Variants in NUP85 observed in about 807,000 individuals in gnomAD.
The protein encoded by NUP85 is nuclear pore complex protein Nup85.
Under a neutral mutation model 92.8 loss-of-function variants are expected in NUP85, and 23 were observed. That is an observed-to-expected ratio of 0.25 (90% CI 0.18 to 0.35). The LOEUF (loss-of-function observed/expected upper bound fraction) is 0.35, where lower values mean the gene tolerates loss of function less well. Ranked by LOEUF, NUP85 falls within the 10% of genes least tolerant of loss-of-function variation. The pLI, the probability that NUP85 is intolerant of heterozygous loss-of-function variation, is 1.00. For synonymous variants in NUP85, 314 were observed against 306.9 expected (o/e 1.02, Z -0.24); for missense variants, 759 against 822.8 (o/e 0.92, Z 0.95).
intron 3 of NUP85, among the ~76,000 whole-genome samples, chr17:75,211,063 C>G (rs1235275659): frequency 7.4e-6 from 1 of 135,826 alleles, no homozygotes; most frequent in Non-Finnish European, 1.5e-5. Context: ...AGTGCAGTGG[C>G]GCAATCTTGG....
intron 11 of NUP85, chr17:75,228,800 A>C: frequency 1.0e-6 from 1 of 985,400 alleles, no homozygotes; most frequent in Non-Finnish European, 1.2e-6. Context: ...CTCCTATGTC[A>C]ATAATCGTGC....
chr17:75,211,965 T>A, intron 3 of NUP85, 27 bp from the exon 4 acceptor site: 1 of 1,573,594 alleles, frequency 6.4e-7, no homozygotes, highest in Non-Finnish European at 8.7e-7. Context: ...TCCAGGCTCA[T>A]CTTGTGTGTT....
intron 17 of NUP85, 141 bp from the exon 18 acceptor site, chr17:75,234,959 T>G (rs753793247): frequency 9.4e-7 from 1 of 1,062,526 alleles, no homozygotes; most frequent in Non-Finnish European, 1.5e-6. Context: ...CAAACACTGC[T>G]TGATTTGAAA....
At chr17:75,228,600 A>G (rs9914295) in intron 11 of NUP85, 9 of 985,318 alleles carry the variant, frequency 9.1e-6, no homozygotes, top group African/African-American at 5.2e-5. Flanking sequence ...CATGGGATGT[A>G]TCAGTCAGAC....
intron 3 of NUP85, among the ~76,000 whole-genome samples, chr17:75,210,563 C>T (rs1373084496): frequency 2.0e-5 from 3 of 152,180 alleles, no homozygotes; most frequent in African/African-American, 7.2e-5. Context: ...AGATTTTTGT[C>T]AGCGTCCCTT....
intron 18 of NUP85, 145 bp from the exon 19 acceptor site, chr17:75,235,432 TG>T: frequency 1.6e-6 from 1 of 630,386 alleles, no homozygotes; most frequent in Non-Finnish European, 2.8e-6. Flanking sequence ...TATGGCCCTT[TG>T]GTATTGCTTT....
intron 11 of NUP85, 31 bp downstream of exon 11, chr17:75,226,188 AT>A: frequency 6.3e-7 from 1 of 1,579,006 alleles, no homozygotes. Flanking sequence ...CACTGTAACC[AT>A]TTTTAGGTGT....
intron 1 of NUP85, among the ~76,000 whole-genome samples, chr17:75,206,921 A>T (rs1365907370): frequency 6.6e-6 from 1 of 151,808 alleles, no homozygotes; most frequent in African/African-American, 2.4e-5. Context: ...GTTGGCCAGG[A>T]TGGTCTCAAT....
chr17:75,206,909 G>T (rs930564110), intron 1 of NUP85, among the ~76,000 whole-genome samples: 1 of 151,878 alleles, frequency 6.6e-6, no homozygotes, highest in African/African-American at 2.4e-5. Context: ...GGGTTTCACC[G>T]TGTTGGCCAG....
chr17:75,234,103 G>A (rs1158279107), intron 16 of NUP85, among the ~76,000 whole-genome samples: 1 of 146,794 alleles, frequency 6.8e-6, no homozygotes, highest in Non-Finnish European at 1.5e-5. Context: ...CCACGCTGGA[G>A]TGCAGTGGTA....
chr17:75,207,768 G>A (rs1461251048), intron 1 of NUP85, among the ~76,000 whole-genome samples: 1 of 151,992 alleles, frequency 6.6e-6, no homozygotes, highest in Non-Finnish European at 1.5e-5. Context: ...ATGAGCCACC[G>A]CGCTTGGCTA....
At chr17:75,233,475 G>A (rs1280552793) in intron 16 of NUP85, among the ~76,000 whole-genome samples, 5 of 95,538 alleles carry the variant, frequency 5.2e-5, no homozygotes, top group Non-Finnish European at 3.8e-5. Context: ...TACTCGCTCT[G>A]TGGCCCAGGC....
chr17:75,220,270 G>A (rs550494721), intron 7 of NUP85, among the ~76,000 whole-genome samples: 41 of 113,204 alleles, frequency 3.6e-4, no homozygotes, highest in African/African-American at 9.5e-4. Flanking sequence ...GACTACAGGC[G>A]CGCGTCACCA....
chr17:75,213,426 GA>G (rs1333580538), intron 5 of NUP85, among the ~76,000 whole-genome samples: 1 of 151,758 alleles, frequency 6.6e-6, no homozygotes, highest in Non-Finnish European at 1.5e-5. Context: ...GAGTAGCTGG[GA>G]TTATAGGTGC....
intron 7 of NUP85, among the ~76,000 whole-genome samples, chr17:75,223,679 C>T (rs1335194603): frequency 1.3e-5 from 2 of 152,136 alleles, no homozygotes; most frequent in African/African-American, 4.8e-5. Flanking sequence ...TGAGCCACCA[C>T]GCCTGGCCTG....
intron 14 of NUP85, among the ~76,000 whole-genome samples, chr17:75,232,393 CT>C (rs2076099443): frequency 6.6e-6 from 1 of 152,182 alleles, no homozygotes; most frequent in African/African-American, 2.4e-5. Context: ...CCCTTCATTT[CT>C]CCCCTCACTG....
chr17:75,222,348 A>G (rs1242719943), intron 7 of NUP85, among the ~76,000 whole-genome samples: 1 of 152,112 alleles, frequency 6.6e-6, no homozygotes, highest in African/African-American at 2.4e-5. Flanking sequence ...CCTGTCCGAC[A>G]TGTTACGTTT....
At chr17:75,220,147 CAG>C (rs1313347942) in intron 7 of NUP85, among the ~76,000 whole-genome samples, 1 of 152,088 alleles carries the variant, frequency 6.6e-6, no homozygotes, top group East Asian at 1.9e-4. Flanking sequence ...TTTTTTGAGA[CAG>C]AGTCTCTCTC....
chr17:75,230,106 C>T (rs566718846), intron 11 of NUP85, among the ~76,000 whole-genome samples: 10 of 150,170 alleles, frequency 6.7e-5, no homozygotes, highest in Admixed American at 4.7e-4. Context: ...TGCAGTGGCA[C>T]GATCTCAGCT....
Sources: allele counts gnomAD v4.1 joint callset (sites outside exome capture counted in the v4.1 genomes callset), GRCh38; gene constraint gnomAD v4.1.1; transcripts MANE v1.5; gene names NCBI Gene and HGNC (gene_info 2026-07-23, HGNC 2026-07-21).